Variants in LRMDA observed in about 807,000 individuals in gnomAD.
LRMDA encodes leucine rich melanocyte differentiation associated.
LRMDA carries 18 observed loss-of-function variants against 29.8 expected under a neutral mutation model. The ratio of observed to expected loss-of-function variants is 0.60; its 90% CI spans 0.42 to 0.90. LRMDA has a LOEUF of 0.90. LRMDA is among the 40% of genes least tolerant of loss of function. The pLI is 0.00. For synonymous variants in LRMDA, 125 were observed against 109.4 expected (o/e 1.14, Z -0.89); for missense variants, 273 against 273.9 (o/e 1.00, Z 0.02).
intron 2 of LRMDA, among the ~76,000 whole-genome samples, chr10:75,444,571 T>C (rs1030331767): frequency 6.6e-6 from 1 of 151,990 alleles, no homozygotes; most frequent in African/African-American, 2.4e-5. Context: ...GGATAGAGGG[T>C]TTAGGGAGCT....
At chr10:75,753,386 T>C (rs1842990392) in intron 2 of LRMDA, among the ~76,000 whole-genome samples, 1 of 151,816 alleles carries the variant, frequency 6.6e-6, no homozygotes, top group Non-Finnish European at 1.5e-5. Context: ...TAAAACAGAG[T>C]GATGGCATAG....
At chr10:75,939,144 T>A (rs1846346689) in intron 2 of LRMDA, among the ~76,000 whole-genome samples, 1 of 152,134 alleles carries the variant, frequency 6.6e-6, no homozygotes, top group Non-Finnish European at 1.5e-5. Flanking sequence ...TAAAAACATA[T>A]TTTGTGTGAA....
chr10:76,050,261 G>A (rs1848508253), intron 4 of LRMDA, among the ~76,000 whole-genome samples: 1 of 152,196 alleles, frequency 6.6e-6, no homozygotes, highest in South Asian at 2.1e-4. Flanking sequence ...TGGCATCACA[G>A]AGCTTGAGTT....
rs576640715 is a variant in LRMDA, at chr10:75,804,027, G to A, written c.132-231981G>A. Reference sequence around the variant, plus strand: ...GCGCTGTTGTACATCTTGTTTCAGAGATATTTTGCTGTAATGTTCTGTGAC... The same window carrying A: ...GCGCTGTTGTACATCTTGTTTCAGAAATATTTTGCTGTAATGTTCTGTGAC... On this transcript the variant is annotated intron_variant, in intron 2 of 6. Coordinates refer to ENST00000611255, the MANE Select transcript of LRMDA (RefSeq NM_001305581.2). Among the ~76,000 whole-genome samples, 5 of 152,326 alleles carry A rather than the reference G, an allele frequency of 3.3e-5. No homozygotes were observed. In the South Asian group the frequency reaches 6.2e-4, roughly 19 times the overall value.
intron 6 of LRMDA, among the ~76,000 whole-genome samples, chr10:76,555,445 A>G (rs1445542730): frequency 6.6e-6 from 1 of 152,154 alleles, no homozygotes; most frequent in Non-Finnish European, 1.5e-5. Flanking sequence ...TCATGGGAAC[A>G]TGGCAGGAAG....
chr10:75,438,026 G>T (rs917403680), intron 1 of LRMDA, among the ~76,000 whole-genome samples: 1 of 152,228 alleles, frequency 6.6e-6, no homozygotes, highest in Non-Finnish European at 1.5e-5. Flanking sequence ...AGAGGGAGAA[G>T]AAGGGGCAGA....
chr10:76,182,759 A>G (rs992641395), intron 5 of LRMDA, among the ~76,000 whole-genome samples: 2 of 152,200 alleles, frequency 1.3e-5, no homozygotes, highest in Non-Finnish European at 2.9e-5. Context: ...GAACTGTGGA[A>G]GGAGAGAAAA....
intron 2 of LRMDA, among the ~76,000 whole-genome samples, chr10:75,495,342 T>G (rs1336481747): frequency 6.6e-6 from 1 of 152,114 alleles, no homozygotes. Flanking sequence ...GGTTTTTTTT[T>G]TCTTCCCCTT....
intron 2 of LRMDA, among the ~76,000 whole-genome samples, chr10:75,775,953 G>T (rs539290739): frequency 6.6e-6 from 1 of 152,140 alleles, no homozygotes; most frequent in African/African-American, 2.4e-5. Flanking sequence ...AGACCTGGGG[G>T]CCAGGACACT....
intron 2 of LRMDA, among the ~76,000 whole-genome samples, chr10:75,965,512 T>C (rs1257226062): frequency 1.3e-5 from 2 of 152,316 alleles, no homozygotes; most frequent in South Asian, 4.1e-4. Flanking sequence ...TGAGGTATGC[T>C]TAGATGAATG....
chr10:75,970,664 G>T (rs1356683924), intron 2 of LRMDA, among the ~76,000 whole-genome samples: 2 of 152,218 alleles, frequency 1.3e-5, no homozygotes, highest in Non-Finnish European at 2.9e-5. Context: ...TTAGGAGAAA[G>T]CTGGGAAACT....
At chr10:75,684,355 A>G (rs572328295) in intron 2 of LRMDA, among the ~76,000 whole-genome samples, 1 of 151,874 alleles carries the variant, frequency 6.6e-6, no homozygotes, top group African/African-American at 2.4e-5. Flanking sequence ...TTTCACGCAC[A>G]CTCCCCTTCT....
chr10:75,678,457 T>G (rs1360903540), intron 2 of LRMDA, among the ~76,000 whole-genome samples: 1 of 152,214 alleles, frequency 6.6e-6, no homozygotes, highest in Non-Finnish European at 1.5e-5. Context: ...ACTGAGATAT[T>G]GAAGCTAATC....
intron 6 of LRMDA, among the ~76,000 whole-genome samples, chr10:76,383,596 A>C: frequency 2.8e-5 from 4 of 145,256 alleles, no homozygotes; most frequent in African/African-American, 8.0e-5. Context: ...ACGCCCGGCT[A>C]ATTTTTTGTA....
chr10:75,913,988 C>A (rs1845888805), intron 2 of LRMDA, among the ~76,000 whole-genome samples: 1 of 152,204 alleles, frequency 6.6e-6, no homozygotes, highest in South Asian at 2.1e-4. Context: ...TTGAGCGTTT[C>A]CACTGTCAGT....
intron 2 of LRMDA, among the ~76,000 whole-genome samples, chr10:75,687,924 G>C (rs970864577): frequency 4.6e-5 from 7 of 152,110 alleles, no homozygotes; most frequent in Middle Eastern, 3.4e-3. Context: ...GTGTAGATTA[G>C]AGCACATCTG....
intron 2 of LRMDA, among the ~76,000 whole-genome samples, chr10:75,595,239 G>A (rs1246009004): frequency 1.3e-5 from 2 of 152,136 alleles, no homozygotes; most frequent in Non-Finnish European, 2.9e-5. Flanking sequence ...CAAAATGATG[G>A]ATTTGCTGAG....
intron 2 of LRMDA, among the ~76,000 whole-genome samples, chr10:75,527,337 G>A (rs1234743979): frequency 6.6e-6 from 1 of 152,130 alleles, no homozygotes; most frequent in African/African-American, 2.4e-5. Context: ...TATGAATAAT[G>A]CTACTGTGAA....
chr10:75,631,148 A>G (rs944860200), intron 2 of LRMDA, among the ~76,000 whole-genome samples: 5 of 152,050 alleles, frequency 3.3e-5, no homozygotes, highest in African/African-American at 9.7e-5. Flanking sequence ...CTGTGATCCC[A>G]TGTTTCCACA....
Sources: gnomAD v4.1 joint callset for allele counts (sites outside exome capture counted in the v4.1 genomes callset) on GRCh38, gnomAD v4.1.1 for gene constraint, MANE v1.5 for transcripts, NCBI Gene and HGNC (gene_info 2026-07-23, HGNC 2026-07-21) for gene names.